The following KANSL1L variants were observed in gnomAD, a reference collection of about 807,000 sequenced individuals.
The protein encoded by KANSL1L is KAT8 regulatory NSL complex subunit 1 like, also known as KAT8 regulatory NSL complex subunit 1-like protein.
In KANSL1L, 25 loss-of-function variants were observed where a neutral mutation model predicts 108.6. The ratio of observed to expected loss-of-function variants is 0.23; its 90% CI spans 0.17 to 0.32. The LOEUF (loss-of-function observed/expected upper bound fraction) is 0.32, where lower values mean the gene tolerates loss of function less well. Among genes scored for constraint, KANSL1L ranks in the 10% least tolerant of loss-of-function variants. KANSL1L has a pLI of 1.00. For synonymous variants in KANSL1L, 405 were observed against 395.1 expected (o/e 1.03, Z -0.30); for missense variants, 1,137 against 1,125.7 (o/e 1.01, Z -0.14).
chr2:210,160,337 T>C (rs1019146738), intron 1 of KANSL1L, among the ~76,000 whole-genome samples: 1 of 151,960 alleles, frequency 6.6e-6, no homozygotes, highest in Non-Finnish European at 1.5e-5. Flanking sequence ...ACCTAGTTAG[T>C]GCTGTAGAGC....
chr2:210,083,829 CAAAA>C (rs61456616), intron 5 of KANSL1L, among the ~76,000 whole-genome samples: 3 of 52,908 alleles, frequency 5.7e-5, no homozygotes, highest in Non-Finnish European at 8.2e-5. Context: ...GACTCCATCT[CAAAA>C]AAAAAAAAAA....
intron 2 of KANSL1L, among the ~76,000 whole-genome samples, chr2:210,130,732 C>T (rs74968868): frequency 6.6e-6 from 1 of 152,134 alleles, no homozygotes; most frequent in African/African-American, 2.4e-5. Flanking sequence ...ACACTAAATG[C>T]CAATCACAAA....
At chr2:210,050,048 T>TAAA (rs879765691) in intron 6 of KANSL1L, among the ~76,000 whole-genome samples, 2 of 152,154 alleles carry the variant, frequency 1.3e-5, no homozygotes, top group Admixed American at 6.5e-5. Flanking sequence ...CAGAGACAGA[T>TAAA]GTTTGAGTTG....
chr2:210,161,190 G>A (rs2095359566), intron 1 of KANSL1L, among the ~76,000 whole-genome samples: 1 of 151,954 alleles, frequency 6.6e-6, no homozygotes, highest in Non-Finnish European at 1.5e-5. Flanking sequence ...GTTTCACCAT[G>A]TTGGCCAGGC....
intron 7 of KANSL1L, among the ~76,000 whole-genome samples, chr2:210,041,815 G>A (rs76741782): frequency 6.6e-6 from 1 of 152,300 alleles, no homozygotes; most frequent in African/African-American, 2.4e-5. Flanking sequence ...CCATACTCAG[G>A]TGTGGAAAAA....
intron 6 of KANSL1L, among the ~76,000 whole-genome samples, chr2:210,047,225 C>G (rs768673408): frequency 2.0e-5 from 3 of 152,304 alleles, no homozygotes; most frequent in Non-Finnish European, 2.9e-5. Context: ...CTTTCTCTTT[C>G]TTTACAATAT....
intron 3 of KANSL1L, among the ~76,000 whole-genome samples, chr2:210,120,279 C>T (rs182967147): frequency 3.3e-5 from 5 of 152,208 alleles, no homozygotes; most frequent in African/African-American, 9.6e-5. Context: ...GTAGTCCCAG[C>T]GACTCAGGAG....
chr2:210,074,875 CA>C (rs2094531621), intron 6 of KANSL1L, among the ~76,000 whole-genome samples: 1 of 152,052 alleles, frequency 6.6e-6, no homozygotes, highest in Admixed American at 6.6e-5. Context: ...CGTTAATTGT[CA>C]GGGGGAAGCA....
intron 2 of KANSL1L, among the ~76,000 whole-genome samples, chr2:210,139,045 G>T (rs544584684): frequency 1.4e-4 from 22 of 152,282 alleles, no homozygotes; most frequent in African/African-American, 5.1e-4. Flanking sequence ...GTTGCAGGGA[G>T]CCAAGATCGC....
chr2:210,054,545 A>G (rs1224850628), intron 6 of KANSL1L, among the ~76,000 whole-genome samples: 1 of 152,172 alleles, frequency 6.6e-6, no homozygotes, highest in African/African-American at 2.4e-5. Context: ...TGTCCCAGCA[A>G]TTCAACTTCT....
At position 210,023,096 on chromosome 2, in the gene KANSL1L, C is replaced by T. The variant is rs2093882864; in HGVS notation, c.2817G>A (p.Gln939=). 1.2e-6 allele frequency: 2 copies of T among 1,613,868 alleles called. No individual in the cohort carries two copies. Among genetic ancestry groups the T allele is most frequent in the Admixed American group, 1.7e-5 (1 of 59,990 alleles). ...GGAAAGCTGTGCTTGACCTTTCAAC[C>T]TGATCCTTTTTTTCATCTTGACATA... ...ALLCQDEKKD[Q]VERSSTAFHG... is the part of the protein sequence containing the mutation. Residue 939 remains glutamine (Q), a synonymous_variant, in exon 15 of 15, where the codon CAG becomes CAA. Coordinates refer to ENST00000281772, the MANE Select transcript of KANSL1L (RefSeq NM_152519.4).
intron 5 of KANSL1L, among the ~76,000 whole-genome samples, chr2:210,090,969 C>T (rs1332390732): frequency 6.6e-6 from 1 of 152,120 alleles, no homozygotes; most frequent in Non-Finnish European, 1.5e-5. Context: ...AAATTCACAA[C>T]TAATTTTCAG....
chr2:210,027,847 C>T (rs1331712860), intron 11 of KANSL1L, among the ~76,000 whole-genome samples: 6 of 152,174 alleles, frequency 3.9e-5, no homozygotes, highest in African/African-American at 1.4e-4. Flanking sequence ...TATAGAACGT[C>T]ATAGCCACAA....
rs1575346721 is a variant in KANSL1L at position 210,025,202 on chromosome 2, A to G, written c.2466T>C (p.Ser822=). The G allele has an allele frequency of 2.5e-6, 4 of 1,570,916 alleles. No individual in the cohort carries two copies. In the South Asian group the frequency reaches 4.4e-5, roughly 17 times the overall value. The stretch of plus-strand genomic sequence containing the variant: ...TGTGCCTTAGGGAGAAGACTTCATC[A>G]GAAAGATCTTCTATCTGGAATTAGA... ...NLGKEEIEDL[S]DEVFSLRHKK... The change falls in exon 13 of 15, where the codon TCT becomes TCC. Residue 822 remains serine (S), a synonymous_variant. Coordinates refer to ENST00000281772, the MANE Select transcript of KANSL1L (RefSeq NM_152519.4).
At chr2:210,026,839 C>T (rs2093944051) in intron 12 of KANSL1L, among the ~76,000 whole-genome samples, 1 of 152,060 alleles carries the variant, frequency 6.6e-6, no homozygotes, top group South Asian at 2.1e-4. Context: ...GGTGCGATCT[C>T]GGCTCATTGC....
In KANSL1L at chr2:210,024,082, TC is replaced by T. The variant is rs1330217308; in HGVS notation, c.2683del (p.Asp895IlefsTer10). 7 of 1,608,264 alleles carry T rather than the reference TC, an allele frequency of 4.4e-6. No individual in the cohort carries two copies. The highest frequency in any genetic ancestry group is 5.9e-6 in the Non-Finnish European group (7 of 1,177,158). ...AGAAGGTAAGCCATATGCACACAGATCCTGGTTCTCTGAAGGAAGCCCAGGA... is the reference window on the plus strand; with the variant it reads ...AGAAGGTAAGCCATATGCACACAGATCTGGTTCTCTGAAGGAAGCCCAGGA... ...SPPGLPSENQ[D>X]LCAYGLPSLN... On this transcript the variant is annotated frameshift_variant, in exon 14 of 15. Transcript: ENST00000281772. LOFTEE classifies it high-confidence loss of function.
At chr2:210,079,658 A>ATGTG (rs2094571929) in intron 5 of KANSL1L, 2 of 13,494 alleles carry the variant, frequency 1.5e-4, no homozygotes, top group African/African-American at 1.7e-4. Flanking sequence ...ATATATATAT[A>ATGTG]TATATATGTA....
chr2:210,155,497 G>C (rs548612521), intron 1 of KANSL1L, among the ~76,000 whole-genome samples: 8 of 152,172 alleles, frequency 5.3e-5, no homozygotes, highest in Non-Finnish European at 1.0e-4. Context: ...GTAAAAACTT[G>C]CCTAATGCAA....
At chr2:210,082,692 A>G (rs1018386094) in intron 5 of KANSL1L, among the ~76,000 whole-genome samples, 1 of 152,258 alleles carries the variant, frequency 6.6e-6, no homozygotes, top group Non-Finnish European at 1.5e-5. Context: ...ATAGCAGCAA[A>G]TAGGGACTTA....
Sources: gnomAD v4.1 joint callset for allele counts (sites outside exome capture counted in the v4.1 genomes callset) on GRCh38, gnomAD v4.1.1 for gene constraint, MANE v1.5 for transcripts, NCBI Gene and HGNC (gene_info 2026-07-23, HGNC 2026-07-21) for gene names.